MYL1: variants seen among roughly 807,000 people sequenced by gnomAD.
The protein encoded by MYL1 is myosin light chain 1, also known as myosin light chain 1/3, skeletal muscle isoform.
In MYL1, 16 loss-of-function variants were observed where a neutral mutation model predicts 21.8. The ratio of observed to expected loss-of-function variants is 0.74; its 90% CI spans 0.50 to 1.12. The LOEUF is 1.12. Ranked by LOEUF, MYL1 falls within the 50% of genes most tolerant of loss-of-function variation. The pLI is 0.00. For missense variants in MYL1, 246 were observed against 241.0 expected (o/e 1.02, Z -0.14); for synonymous variants, 99 against 85.2 (o/e 1.16, Z -0.89).
chr2:210,303,695 G>A, intron 1 of MYL1: 2 of 1,093,410 alleles, frequency 1.8e-6, no homozygotes, highest in Non-Finnish European at 2.6e-6. Context: ...TCAGAGATAA[G>A]TTGCCACACC....
chr2:210,297,380 T>C (rs938214333), intron 3 of MYL1, among the ~76,000 whole-genome samples: 5 of 152,118 alleles, frequency 3.3e-5, no homozygotes, highest in Admixed American at 6.5e-5. Flanking sequence ...TGGCGTTTCA[T>C]TGTGGTTTTT....
At chr2:210,307,809 A>G (rs1690359055) in intron 1 of MYL1, among the ~76,000 whole-genome samples, 1 of 152,204 alleles carries the variant, frequency 6.6e-6, no homozygotes, top group South Asian at 2.1e-4. Context: ...AACTAATTAA[A>G]CATCAGATAA....
intron 1 of MYL1, among the ~76,000 whole-genome samples, chr2:210,313,331 A>G (rs1575708198): frequency 6.6e-6 from 1 of 152,022 alleles, no homozygotes. Flanking sequence ...ACTGATTCAT[A>G]TCTCTTATGT....
chr2:210,304,790 C>T (rs118095529), intron 1 of MYL1, among the ~76,000 whole-genome samples: 1 of 152,208 alleles, frequency 6.6e-6, no homozygotes, highest in African/African-American at 2.4e-5. Flanking sequence ...AAGCCATCAT[C>T]CTGCCCATTG....
chr2:210,301,462 A>G (rs1459802217), intron 2 of MYL1, among the ~76,000 whole-genome samples: 2 of 152,124 alleles, frequency 1.3e-5, no homozygotes, highest in African/African-American at 2.4e-5. Context: ...AGAACTGAGT[A>G]TTTGAATAGG....
chr2:210,308,658 T>C (rs1690375573), intron 1 of MYL1, among the ~76,000 whole-genome samples: 1 of 151,456 alleles, frequency 6.6e-6, no homozygotes, highest in African/African-American at 2.4e-5. Context: ...ACAAAACAAT[T>C]CAGACCTACA....
At chr2:210,298,827 C>A (rs1353269306) in intron 2 of MYL1, among the ~76,000 whole-genome samples, 1 of 152,154 alleles carries the variant, frequency 6.6e-6, no homozygotes, top group Admixed American at 6.5e-5. Flanking sequence ...AGCTCCTAGT[C>A]ATATTCATAT....
At chr2:210,301,836 G>T (rs62203006) in intron 2 of MYL1, among the ~76,000 whole-genome samples, 61,504 of 151,842 alleles carry the variant, frequency 0.41, 12,546 homozygotes, top group Admixed American at 0.5. Context: ...AAATAAATTT[G>T]TAATCAACTT....
Position 210,315,119 on chromosome 2 carries a change from G to C in MYL1, c.-77C>G. On this transcript the variant is annotated 5_prime_UTR_variant, in exon 1 of 7. Transcript: ENST00000352451. ...CCTGTCAAAATGATTCTTGGAAGAGGAGTGGTGGTTGGGTTGATCCACAGC... is the reference window on the plus strand; with the variant it reads ...CCTGTCAAAATGATTCTTGGAAGAGCAGTGGTGGTTGGGTTGATCCACAGC... The C allele has an allele frequency of 2.6e-6, 4 of 1,557,996 alleles. No homozygotes were observed. The highest frequency in any genetic ancestry group is 1.7e-6 in the Non-Finnish European group (2 of 1,157,282).
intron 1 of MYL1, among the ~76,000 whole-genome samples, chr2:210,310,321 C>A (rs1690400669): frequency 6.6e-6 from 1 of 151,964 alleles, no homozygotes; most frequent in South Asian, 2.1e-4. Flanking sequence ...AAGGTTTTAT[C>A]ATATTGTACA....
chr2:210,307,762 A>G (rs899525718), intron 1 of MYL1, among the ~76,000 whole-genome samples: 2 of 152,224 alleles, frequency 1.3e-5, no homozygotes, highest in Admixed American at 1.3e-4. Flanking sequence ...TTTTACTTTG[A>G]GAAGCATCTT....
At chr2:210,305,992 G>A (rs767656480) in intron 1 of MYL1, among the ~76,000 whole-genome samples, 1 of 151,970 alleles carries the variant, frequency 6.6e-6, no homozygotes, top group Non-Finnish European at 1.5e-5. Context: ...CTCTGGAGGT[G>A]GACGTTGCGG....
chr2:210,308,420 A>ATATATATATG (rs1690371420), intron 1 of MYL1, among the ~76,000 whole-genome samples: 1 of 135,182 alleles, frequency 7.4e-6, no homozygotes, highest in Non-Finnish European at 1.6e-5. Context: ...ATATATATAT[A>ATATATATATG]TATATATATA....
At chr2:210,313,335 C>G (rs371379261) in intron 1 of MYL1, among the ~76,000 whole-genome samples, 33 of 152,036 alleles carry the variant, frequency 2.2e-4, no homozygotes, top group African/African-American at 6.7e-4. Flanking sequence ...ATTCATATCT[C>G]TTATGTTACT....
In MYL1 at chr2:210,291,075, C is replaced by T; in HGVS notation, c.557-1G>A. ...ATAGACATGATGTGCTTGACAAAAG[C>T]TGTAGGAGCAAAATAGACAAAATAG... is the stretch of plus-strand genomic sequence containing the variant. On this transcript the variant is annotated splice_acceptor_variant, in intron 5 of 6. Transcript: ENST00000352451. LOFTEE classifies it high-confidence loss of function. 1 of 1,609,520 alleles carries T rather than the reference C, an allele frequency of 6.2e-7. No homozygotes were observed. Among genetic ancestry groups the T allele is most frequent in the Non-Finnish European group, 8.5e-7 (1 of 1,176,470 alleles).
At chr2:210,295,179 T>A (rs1690154248) in intron 3 of MYL1, among the ~76,000 whole-genome samples, 1 of 152,188 alleles carries the variant, frequency 6.6e-6, no homozygotes, top group African/African-American at 2.4e-5. Flanking sequence ...CAAATCAAAT[T>A]TTTTTTACTA....
At chr2:210,294,097 A>T in intron 4 of MYL1, 148 bp downstream of exon 4, 4 of 876,552 alleles carry the variant, frequency 4.6e-6, no homozygotes, top group Non-Finnish European at 1.7e-6. Context: ...ACTGAGGCCA[A>T]TTGAAATGGT....
chr2:210,292,806 G>GGT (rs1690100304), intron 5 of MYL1, among the ~76,000 whole-genome samples: 1 of 152,114 alleles, frequency 6.6e-6, no homozygotes, highest in African/African-American at 2.4e-5. Flanking sequence ...ATAAAATTCA[G>GGT]ATTTGACTTT....
chr2:210,296,073 C>A (rs1184711189), intron 3 of MYL1, among the ~76,000 whole-genome samples: 1 of 152,152 alleles, frequency 6.6e-6, no homozygotes, highest in Non-Finnish European at 1.5e-5. Context: ...TCATACCCCT[C>A]TCTCTGTTTC....
Sources: gnomAD v4.1 joint callset for allele counts (sites outside exome capture counted in the v4.1 genomes callset) on GRCh38, gnomAD v4.1.1 for gene constraint, MANE v1.5 for transcripts, NCBI Gene and HGNC (gene_info 2026-07-23, HGNC 2026-07-21) for gene names.